SMYD3: variants seen among roughly 807,000 people sequenced by gnomAD.
SMYD3 encodes the protein SET and MYND domain containing 3, also known as histone-lysine N-methyltransferase SMYD3.
SMYD3 carries 36 observed loss-of-function variants against 57.7 expected under a neutral mutation model. The observed-to-expected ratio is 0.62, with a 90% confidence interval of 0.48 to 0.82. SMYD3 has a LOEUF of 0.82. Among genes scored for constraint, SMYD3 ranks in the 40% least tolerant of loss-of-function variants. The probability of loss-of-function intolerance (pLI) is 0.00; values close to 1 mark genes in which losing one functional copy is unlikely to be tolerated. For synonymous variants in SMYD3, 211 were observed against 195.0 expected, an observed-to-expected ratio of 1.08 and a Z score of -0.68; for missense variants, 515 against 538.8, an observed-to-expected ratio of 0.96 and a Z score of 0.44.
intron 10 of SMYD3, among the ~76,000 whole-genome samples, chr1:245,829,966 G>GA (rs1278749253): frequency 6.6e-6 from 1 of 152,106 alleles, no homozygotes; most frequent in African/African-American, 2.4e-5. Flanking sequence ...TGGGGGGCTG[G>GA]GGAGATGGGG....
At position 246,252,197 on chromosome 1, in the gene SMYD3, CTG is replaced by C. The variant is rs1178816373; in HGVS notation, c.531+75002_531+75003del. Among the ~76,000 whole-genome samples, 254 of 128,528 alleles carry C rather than the reference CTG, an allele frequency of 2.0e-3. 22 individuals are homozygous for C. The highest frequency in any genetic ancestry group is 7.3e-3 in the African/African-American group (241 of 33,138). 84.3% of individuals were successfully genotyped at this position (128,528 alleles called of 152,430 possible). On this transcript the variant is annotated intron_variant, in intron 5 of 11. Coordinates refer to ENST00000490107, the MANE Select transcript of SMYD3 (RefSeq NM_001167740.2). ...CCGGCTTTAGTAGGTGCCTCGGACA[CTG>C]TGCCCGGCTTTAGTAGGTGCCGCGG...
chr1:246,297,057 T>A (rs1224082057), intron 5 of SMYD3, among the ~76,000 whole-genome samples: 2 of 152,140 alleles, frequency 1.3e-5, no homozygotes, highest in African/African-American at 4.8e-5. Flanking sequence ...GGGACATAAA[T>A]GGCCAGCAGT....
chr1:245,968,229 C>G (rs1172529572), intron 5 of SMYD3, among the ~76,000 whole-genome samples: 2 of 132,420 alleles, frequency 1.5e-5, no homozygotes, highest in Non-Finnish European at 3.2e-5. Context: ...CCCCCCTCTG[C>G]TCACCAGCTC....
chr1:246,425,312 G>A (rs1032761461), intron 1 of SMYD3, among the ~76,000 whole-genome samples: 3 of 152,104 alleles, frequency 2.0e-5, no homozygotes, highest in East Asian at 1.9e-4. Flanking sequence ...TCCTGGTACC[G>A]GAGATACAAC....
At chr1:245,787,126 C>T (rs2047075334) in intron 10 of SMYD3, among the ~76,000 whole-genome samples, 8 of 152,242 alleles carry the variant, frequency 5.3e-5, no homozygotes, top group Admixed American at 5.2e-4. Flanking sequence ...GATCACACAT[C>T]ATGTCACAGG....
At chr1:246,300,263 T>A (rs917067366) in intron 5 of SMYD3, among the ~76,000 whole-genome samples, 1 of 152,132 alleles carries the variant, frequency 6.6e-6, no homozygotes, top group Admixed American at 6.5e-5. Context: ...TAGACCCCAA[T>A]AAACATTTCA....
Position 245,780,136 on chromosome 1 carries a change from G to A in SMYD3, c.1077-15987C>T, listed in dbSNP as rs187350035. Among the ~76,000 whole-genome samples, 42 of 152,296 alleles carry A rather than the reference G, an allele frequency of 2.8e-4. No homozygotes were observed. The East Asian group carries it at 6.4e-3, about 23-fold the overall frequency. ...CTGTCAGTTCCTCAAAACATTAAAC[G>A]ACAGAGTTATCATATGACCTAGCAA... On this transcript the variant is annotated intron_variant, in intron 10 of 11. Coordinates refer to ENST00000490107, the MANE Select transcript of SMYD3 (RefSeq NM_001167740.2).
chr1:246,093,894 C>T (rs1028357497), intron 5 of SMYD3, among the ~76,000 whole-genome samples: 4 of 151,904 alleles, frequency 2.6e-5, no homozygotes, highest in Non-Finnish European at 5.9e-5. Flanking sequence ...CCTTCTTACC[C>T]GCCAAATACT....
rs111611851 is a variant in SMYD3, at chr1:246,477,466, AT to A, written c.164+29587del. On this transcript the variant is annotated intron_variant, in intron 1 of 11. Transcript: ENST00000490107. Reference sequence around the variant, plus strand: ...GAGACAAGTTTAGAAGGGAAATATCATTTATAGCACACCTACCTGAAAGTAG... The same window carrying A: ...GAGACAAGTTTAGAAGGGAAATATCATTATAGCACACCTACCTGAAAGTAG... Among the ~76,000 whole-genome samples, 1,334 of 152,328 alleles carry A rather than the reference AT, an allele frequency of 8.8e-3. 24 individuals are homozygous for A. The highest frequency in any genetic ancestry group is 0.029 in the African/African-American group (1,194 of 41,574).
chr1:246,227,681 T>C (rs11587979), intron 5 of SMYD3, among the ~76,000 whole-genome samples: 9,004 of 152,104 alleles, frequency 0.059, 433 homozygotes, highest in African/African-American at 0.12. Context: ...GAGTGGTGGA[T>C]GAAACTCCGT....
intron 10 of SMYD3, among the ~76,000 whole-genome samples, chr1:245,768,155 T>C (rs576544478): frequency 6.6e-6 from 1 of 152,346 alleles, no homozygotes; most frequent in African/African-American, 2.4e-5. Flanking sequence ...TTGGGTGATA[T>C]AAATTTTCCT....
intron 5 of SMYD3, among the ~76,000 whole-genome samples, chr1:245,934,129 A>G (rs1163357090): frequency 6.6e-6 from 1 of 152,234 alleles, no homozygotes; most frequent in African/African-American, 2.4e-5. Context: ...TAAAATGTTC[A>G]GTACAGTGTC....
chr1:246,309,176 T>G (rs1316804861), intron 5 of SMYD3, among the ~76,000 whole-genome samples: 1 of 152,144 alleles, frequency 6.6e-6, no homozygotes, highest in African/African-American at 2.4e-5. Flanking sequence ...AAAAAAAGCT[T>G]AATTGTTAAA....
intron 5 of SMYD3, among the ~76,000 whole-genome samples, chr1:246,037,118 G>A (rs2059790796): frequency 6.6e-6 from 1 of 151,902 alleles, no homozygotes; most frequent in African/African-American, 2.4e-5. Flanking sequence ...TTACACATAG[G>A]TCATTTCATG....
intron 5 of SMYD3, among the ~76,000 whole-genome samples, chr1:245,974,344 TC>T (rs2058373553): frequency 6.6e-6 from 1 of 152,120 alleles, no homozygotes; most frequent in Non-Finnish European, 1.5e-5. Context: ...TATAAAACCT[TC>T]CCCCATTTCT....
intron 5 of SMYD3, among the ~76,000 whole-genome samples, chr1:246,283,833 C>G (rs897534615): frequency 2.6e-5 from 4 of 152,178 alleles, no homozygotes; most frequent in Non-Finnish European, 5.9e-5. Flanking sequence ...AACTGCAGCA[C>G]TTGCCAGCTT....
At chr1:246,030,845 T>G (rs1346525738) in intron 5 of SMYD3, among the ~76,000 whole-genome samples, 5 of 152,202 alleles carry the variant, frequency 3.3e-5, no homozygotes, top group Admixed American at 1.3e-4. Context: ...TTTCAAACTT[T>G]TTTTTGCAGT....
At chr1:245,868,033 T>C (rs1024478474) in intron 8 of SMYD3, among the ~76,000 whole-genome samples, 13 of 152,210 alleles carry the variant, frequency 8.5e-5, no homozygotes, top group African/African-American at 3.1e-4. Flanking sequence ...CCCAAATATC[T>C]AGCACAGTCT....
intron 2 of SMYD3, 60 bp downstream of exon 2, chr1:246,354,971 G>T: frequency 6.6e-7 from 1 of 1,504,738 alleles, no homozygotes; most frequent in Non-Finnish European, 9.2e-7. Context: ...GTATAGTGAA[G>T]GACAAATTTA....
Sources: gnomAD v4.1 joint callset for allele counts (sites outside exome capture counted in the v4.1 genomes callset) on GRCh38, gnomAD v4.1.1 for gene constraint, MANE v1.5 for transcripts, NCBI Gene and HGNC (gene_info 2026-07-23, HGNC 2026-07-21) for gene names.